PCDHAC1: variants seen among roughly 807,000 people sequenced by gnomAD.
PCDHAC1 encodes the protein protocadherin alpha subfamily C, 1, also known as protocadherin alpha-C1.
In PCDHAC1, 42 loss-of-function variants were observed where a neutral mutation model predicts 60.0. The ratio of observed to expected loss-of-function variants is 0.70; its 90% CI spans 0.55 to 0.90. PCDHAC1 has a LOEUF of 0.90. Among genes scored for constraint, PCDHAC1 ranks in the 40% least tolerant of loss-of-function variants. The pLI is 0.00. For synonymous variants in PCDHAC1, 468 were observed against 499.3 expected (o/e 0.94, Z 0.84); for missense variants, 1,160 against 1,222.3 (o/e 0.95, Z 0.76).
At chr5:140,985,936 T>C (rs1379150817) in intron 3 of PCDHAC1, among the ~76,000 whole-genome samples, 3 of 152,038 alleles carry the variant, frequency 2.0e-5, no homozygotes, top group Non-Finnish European at 2.9e-5. Context: ...AGCCGGGGTT[T>C]CACTGTGTTA....
chr5:140,927,882 G>A lies in PCDHAC1; in HGVS notation c.990G>A (p.Val330=). The change falls in exon 1 of 4, where the codon GTG becomes GTA. Residue 330 remains valine, a synonymous_variant. Transcript: ENST00000253807. ...GCACCGCTAAACTGCTGGTGGAGGT[G>A]ACTGACGTGAACGATCATGCCCCCG... is the stretch of plus-strand genomic sequence containing the variant. The part of the protein sequence containing the change: ...LASTAKLLVE[V]TDVNDHAPEL... 2 of 1,614,224 alleles carry A rather than the reference G, an allele frequency of 1.2e-6. No individual in the cohort carries two copies. Among genetic ancestry groups the A allele is most frequent in the Non-Finnish European group, 1.7e-6 (2 of 1,180,036 alleles).
chr5:141,008,346 C>T lies in PCDHAC1; in HGVS notation c.2582-1281C>T, dbSNP rs1223206383. Among the ~76,000 whole-genome samples the T allele has an allele frequency of 2.0e-5, 3 of 152,158 alleles. No homozygotes were observed. The East Asian group carries it at 5.8e-4, about 29-fold the overall frequency. On this transcript the variant is annotated intron_variant, in intron 3 of 3. Coordinates refer to ENST00000253807, the MANE Select transcript of PCDHAC1 (RefSeq NM_018898.5). ...ACAGTTTATTTGATGGAGCTTTTCA[C>T]GTGTCAACCAAAGGAGCAGTGTTAG...
intron 1 of PCDHAC1, among the ~76,000 whole-genome samples, chr5:140,933,345 A>G (rs1257404732): frequency 6.6e-6 from 1 of 151,960 alleles, no homozygotes; most frequent in Non-Finnish European, 1.5e-5. Flanking sequence ...AAAGATAAAC[A>G]CTTTATTTCT....
intron 1 of PCDHAC1, among the ~76,000 whole-genome samples, chr5:140,977,055 A>T (rs1220462981): frequency 1.3e-5 from 2 of 152,234 alleles, no homozygotes; most frequent in African/African-American, 4.8e-5. Flanking sequence ...CTGATGGACT[A>T]GTATAGAAAA....
intron 1 of PCDHAC1, among the ~76,000 whole-genome samples, chr5:140,939,041 T>G (rs2092303651): frequency 6.6e-6 from 1 of 152,222 alleles, no homozygotes; most frequent in Admixed American, 6.5e-5. Context: ...AAGAGTTGTC[T>G]TAGTCCATTT....
At chr5:140,998,769 G>A (rs1210690974) in intron 3 of PCDHAC1, among the ~76,000 whole-genome samples, 1 of 152,054 alleles carries the variant, frequency 6.6e-6, no homozygotes, top group Non-Finnish European at 1.5e-5. Flanking sequence ...TCACTATGTT[G>A]GTCAGGCTGG....
intron 1 of PCDHAC1, among the ~76,000 whole-genome samples, chr5:140,949,544 T>C (rs981428881): frequency 5.3e-5 from 8 of 151,908 alleles, no homozygotes; most frequent in Non-Finnish European, 1.2e-4. Flanking sequence ...TATCGATTTG[T>C]TGCTGGTCAT....
chr5:140,972,540 T>G (rs1375467339), intron 1 of PCDHAC1, among the ~76,000 whole-genome samples: 2 of 152,148 alleles, frequency 1.3e-5, no homozygotes, highest in Non-Finnish European at 2.9e-5. Flanking sequence ...AAATCACTTG[T>G]GCAGTGAGGA....
chr5:140,970,595 G>C (rs1554232604), intron 1 of PCDHAC1, among the ~76,000 whole-genome samples: 1 of 152,098 alleles, frequency 6.6e-6, no homozygotes, highest in African/African-American at 2.4e-5. Context: ...TATGCTTTGT[G>C]ATACTTAAAA....
intron 1 of PCDHAC1, among the ~76,000 whole-genome samples, chr5:140,971,815 A>G (rs988959952): frequency 3.2e-4 from 49 of 152,166 alleles, no homozygotes; most frequent in African/African-American, 1.1e-3. Flanking sequence ...TATTGAATAC[A>G]TATATGATTT....
At chr5:140,966,695 C>CGGGCGTG in intron 1 of PCDHAC1, 1 of 1,358,486 alleles carries the variant, frequency 7.4e-7, no homozygotes, top group Non-Finnish European at 9.5e-7. Flanking sequence ...AGGCGGGGCC[C>CGGGCGTG]GGGCGTGGGG....
intron 1 of PCDHAC1, among the ~76,000 whole-genome samples, chr5:140,978,620 G>A (rs2096812690): frequency 6.6e-6 from 1 of 152,220 alleles, no homozygotes; most frequent in South Asian, 2.1e-4. Context: ...AGCAGTGAAA[G>A]CTTTTCCTTT....
At chr5:140,978,907 G>A (rs782602741) in intron 1 of PCDHAC1, 42 bp from the exon 2 acceptor site, 3 of 1,613,766 alleles carry the variant, frequency 1.9e-6, no homozygotes, top group South Asian at 2.2e-5. Context: ...GGAGAACATT[G>A]TCTTGTCATT....
chr5:140,966,938 G>A (rs1159097726), intron 1 of PCDHAC1: 1 of 1,604,146 alleles, frequency 6.2e-7, no homozygotes, highest in African/African-American at 1.3e-5. Context: ...CGGCGCGCTC[G>A]TGGGCAACGT....
intron 1 of PCDHAC1, among the ~76,000 whole-genome samples, chr5:140,963,604 T>A (rs1379826259): frequency 6.6e-6 from 1 of 152,234 alleles, no homozygotes; most frequent in Non-Finnish European, 1.5e-5. Flanking sequence ...CTAGACGTAA[T>A]TGGGAAAGCT....
At chr5:140,993,468 A>G (rs1327306188) in intron 3 of PCDHAC1, among the ~76,000 whole-genome samples, 1 of 69,412 alleles carries the variant, frequency 1.4e-5, no homozygotes, top group African/African-American at 5.6e-5. Context: ...TTTCTCACAC[A>G]CACACACACA....
chr5:140,957,694 C>T (rs269548), intron 1 of PCDHAC1, among the ~76,000 whole-genome samples: 31,397 of 151,782 alleles, frequency 0.21, 4,012 homozygotes, highest in African/African-American at 0.36. Flanking sequence ...AGACAATGAA[C>T]ATTATGTAGT....
chr5:140,928,473 C>T lies in PCDHAC1; in HGVS notation c.1581C>T (p.Gly527=), dbSNP rs782009999. 6.2e-7 allele frequency: 1 copy of T among 1,613,978 alleles called. No individual in the cohort carries two copies. The highest frequency in any genetic ancestry group is 1.7e-5 in the Admixed American group (1 of 60,002). Residue 527 remains glycine (G), a synonymous_variant, in exon 1 of 4, where the codon GGC becomes GGT. Coordinates refer to ENST00000253807, the MANE Select transcript of PCDHAC1 (RefSeq NM_018898.5). The part of the protein sequence containing the change: ...QLRGFHFQVE[G]RDGGIPPRSA... ...GGGGGTTTCATTTCCAAGTAGAAGGCCGGGATGGTGGCATTCCTCCCAGAA... is the reference window on the plus strand; with the variant it reads ...GGGGGTTTCATTTCCAAGTAGAAGGTCGGGATGGTGGCATTCCTCCCAGAA...
chr5:140,964,785 C>G (rs890090665), intron 1 of PCDHAC1, among the ~76,000 whole-genome samples: 40 of 151,526 alleles, frequency 2.6e-4, no homozygotes, highest in African/African-American at 9.7e-4. Context: ...GAGGAAGAAG[C>G]CAGAGACCCA....
Sources: gnomAD v4.1 joint callset for allele counts (sites outside exome capture counted in the v4.1 genomes callset) on GRCh38, gnomAD v4.1.1 for gene constraint, MANE v1.5 for transcripts, NCBI Gene and HGNC (gene_info 2026-07-23, HGNC 2026-07-21) for gene names.